PLXDC2: variants seen among roughly 807,000 people sequenced by gnomAD.
The protein encoded by PLXDC2 is plexin domain containing 2, also known as plexin domain-containing protein 2.
In PLXDC2, 40 loss-of-function variants were observed where a neutral mutation model predicts 68.9. The ratio of observed to expected loss-of-function variants is 0.58; its 90% CI spans 0.45 to 0.76. PLXDC2 has a LOEUF of 0.76. Among genes scored for constraint, PLXDC2 ranks in the 30% least tolerant of loss-of-function variants. PLXDC2 has a pLI of 0.00. For synonymous variants in PLXDC2, 243 were observed against 234.2 expected, an observed-to-expected ratio of 1.04 and a Z score of -0.34; for missense variants, 644 against 661.9, an observed-to-expected ratio of 0.97 and a Z score of 0.30.
chr10:19,916,087 G>T (rs918356814), intron 1 of PLXDC2, among the ~76,000 whole-genome samples: 17 of 149,968 alleles, frequency 1.1e-4, no homozygotes, highest in African/African-American at 3.7e-4. Flanking sequence ...CATCAACGTA[G>T]ATAAAATATT....
chr10:19,879,723 G>A, intron 1 of PLXDC2, among the ~76,000 whole-genome samples: 1 of 152,118 alleles, frequency 6.6e-6, no homozygotes, highest in East Asian at 1.9e-4. Context: ...ATGAAACTGT[G>A]AAGGAAGTAA....
rs1834457920 is a variant in PLXDC2, at chr10:20,172,251, A to C, written c.884-4748A>C. On this transcript the variant is annotated intron_variant, in intron 7 of 13. Transcript: ENST00000377252. ...AAAGGAAAAAAAAAAAAAAAAAAAGAGAGAGAGAGATGTAATGACTTGGCA... is the reference window on the plus strand; with the variant it reads ...AAAGGAAAAAAAAAAAAAAAAAAAGCGAGAGAGAGATGTAATGACTTGGCA... Among the ~76,000 whole-genome samples, 3 of 108,022 alleles carry C rather than the reference A, an allele frequency of 2.8e-5. No homozygotes were observed. The South Asian group carries it at 9.8e-4, about 35-fold the overall frequency. 70.9% of individuals were successfully genotyped at this position (108,022 alleles called of 152,430 possible). A position where few individuals can be genotyped will look rare whatever the true frequency, so the allele number is the denominator to read the frequency against.
At chr10:20,200,920 G>A (rs1292264825) in intron 9 of PLXDC2, among the ~76,000 whole-genome samples, 3 of 152,068 alleles carry the variant, frequency 2.0e-5, no homozygotes, top group African/African-American at 7.2e-5. Flanking sequence ...GAACTTTTAT[G>A]CACTGTTGGT....
intron 2 of PLXDC2, among the ~76,000 whole-genome samples, chr10:20,008,159 G>C (rs1459105705): frequency 2.0e-5 from 3 of 152,162 alleles, no homozygotes; most frequent in African/African-American, 7.2e-5. Context: ...GTTGCTAATT[G>C]CTGTACACAA....
chr10:19,883,263 C>T (rs888119430), intron 1 of PLXDC2, among the ~76,000 whole-genome samples: 1 of 149,394 alleles, frequency 6.7e-6, no homozygotes, highest in African/African-American at 2.5e-5. Flanking sequence ...CGCCTGGCCA[C>T]TAAAATTTCT....
In PLXDC2 at chr10:20,177,092, C is replaced by A; in HGVS notation, c.977C>A (p.Pro326His). The change falls in exon 8 of 14, where the codon CCC becomes CAC. Residue 326 changes from proline (P) to histidine (H), a missense_variant and splice_region_variant. Physicochemically the swap from Pro to His is moderately conservative, Grantham distance 77. Around this residue, in one of 3 missense-constraint regions of PLXDC2, gnomAD observed 330 missense variants for 327.9 expected, o/e 1.01. Transcript: ENST00000377252. ...TCGGCTGTGGAGATGACCCCATTAC[C>A]CAGTAAGCGAATATGTAAACCTAGG... ...NISAVEMTPLPTCLQFNRCGP... is the reference protein window; with the variant it reads ...NISAVEMTPLHTCLQFNRCGP... The A allele has an allele frequency of 1.3e-6, 2 of 1,598,750 alleles. No homozygotes were observed. The highest frequency in any genetic ancestry group is 1.1e-5 in the South Asian group (1 of 90,698).
chr10:20,255,868 A>G (rs1450715616), intron 13 of PLXDC2, among the ~76,000 whole-genome samples: 1 of 152,110 alleles, frequency 6.6e-6, no homozygotes, highest in Non-Finnish European at 1.5e-5. Context: ...TTATTTTACT[A>G]TATGATCTTG....
intron 4 of PLXDC2, among the ~76,000 whole-genome samples, chr10:20,142,531 G>A (rs187385413): frequency 2.6e-5 from 4 of 152,026 alleles, no homozygotes; most frequent in Non-Finnish European, 2.9e-5. Context: ...ATTGAAAGTG[G>A]GTTAGACATG....
chr10:20,180,047 T>C (rs1834580614), intron 9 of PLXDC2, among the ~76,000 whole-genome samples: 2 of 152,096 alleles, frequency 1.3e-5, no homozygotes, highest in East Asian at 3.9e-4. Flanking sequence ...AAATCTTTCC[T>C]AGTTGATACC....
At chr10:20,269,456 T>A (rs1429260993) in intron 13 of PLXDC2, among the ~76,000 whole-genome samples, 1 of 152,162 alleles carries the variant, frequency 6.6e-6, no homozygotes, top group African/African-American at 2.4e-5. Context: ...ACATGGTATT[T>A]GTGCAGGGTT....
chr10:20,252,130 T>C (rs950569156), intron 13 of PLXDC2, among the ~76,000 whole-genome samples: 3 of 152,088 alleles, frequency 2.0e-5, no homozygotes, highest in South Asian at 4.1e-4. Context: ...GCAAGGGCAA[T>C]GGAGTTTGCC....
intron 10 of PLXDC2, among the ~76,000 whole-genome samples, chr10:20,214,909 G>A (rs1835115966): frequency 6.6e-6 from 1 of 152,126 alleles, no homozygotes; most frequent in Non-Finnish European, 1.5e-5. Flanking sequence ...TTTGAGATGT[G>A]TGTGACATTC....
At chr10:20,202,091 G>T (rs1834928416) in intron 9 of PLXDC2, among the ~76,000 whole-genome samples, 1 of 152,100 alleles carries the variant, frequency 6.6e-6, no homozygotes, top group African/African-American at 2.4e-5. Context: ...CGGCAGTTCA[G>T]CATTTTCACC....
At chr10:20,254,472 T>G (rs1363748167) in intron 13 of PLXDC2, among the ~76,000 whole-genome samples, 1 of 152,198 alleles carries the variant, frequency 6.6e-6, no homozygotes, top group Non-Finnish European at 1.5e-5. Context: ...TGTCTTGAAG[T>G]CACATATTTT....
intron 6 of PLXDC2, among the ~76,000 whole-genome samples, 172 bp downstream of exon 6, chr10:20,148,074 C>T (rs1409442600): frequency 6.6e-6 from 1 of 151,988 alleles, no homozygotes; most frequent in Non-Finnish European, 1.5e-5. Context: ...TTTCTGGGTG[C>T]ATTGATTGTT....
intron 6 of PLXDC2, among the ~76,000 whole-genome samples, chr10:20,157,510 G>A (rs567840016): frequency 4.6e-5 from 7 of 152,306 alleles, no homozygotes; most frequent in African/African-American, 1.7e-4. Context: ...TACTTAAGCG[G>A]CATGCTGTTA....
intron 4 of PLXDC2, among the ~76,000 whole-genome samples, chr10:20,137,203 A>C (rs745984750): frequency 4.6e-5 from 7 of 152,238 alleles, no homozygotes; most frequent in Admixed American, 1.3e-4. Flanking sequence ...AAAAGGCGTC[A>C]AGGGATAAAA....
chr10:20,004,750 G>GT (rs1372010237), intron 2 of PLXDC2, among the ~76,000 whole-genome samples: 1 of 152,114 alleles, frequency 6.6e-6, no homozygotes, highest in Non-Finnish European at 1.5e-5. Flanking sequence ...TTGATTGGGG[G>GT]TATATTAACA....
chr10:20,219,246 G>C, intron 12 of PLXDC2, 144 bp downstream of exon 12: 1 of 853,394 alleles, frequency 1.2e-6, no homozygotes, highest in Non-Finnish European at 1.7e-6. Flanking sequence ...ATGGGAAGGA[G>C]TCAGTGGGTT....
Sources: allele counts gnomAD v4.1 joint callset (sites outside exome capture counted in the v4.1 genomes callset), GRCh38; gene constraint gnomAD v4.1.1; regional missense constraint gnomAD v4.1.1; transcripts MANE v1.5; gene names NCBI Gene and HGNC (gene_info 2026-07-23, HGNC 2026-07-21).